The following SIGLEC12 variants were observed in gnomAD, a reference collection of about 807,000 sequenced individuals.
SIGLEC12 encodes the protein sialic acid binding Ig like lectin 12.
Under a neutral mutation model 54.1 loss-of-function variants are expected in SIGLEC12, and 43 were observed. That is an observed-to-expected ratio of 0.80 (90% CI 0.62 to 1.03). The LOEUF (loss-of-function observed/expected upper bound fraction) is 1.03, where lower values mean the gene tolerates loss of function less well. Among genes scored for constraint, SIGLEC12 ranks in the 50% least tolerant of loss-of-function variants. The pLI, the probability that SIGLEC12 is intolerant of heterozygous loss-of-function variation, is 0.00. For missense variants in SIGLEC12, 802 were observed against 735.2 expected (o/e 1.09, Z -1.05); for synonymous variants, 357 against 307.6 (o/e 1.16, Z -1.68).
chr19:51,493,221 C>T (rs191116125), intron 7 of SIGLEC12, among the ~76,000 whole-genome samples: 120 of 152,348 alleles, frequency 7.9e-4, no homozygotes, highest in African/African-American at 2.8e-3. Flanking sequence ...CAGCTGCTCA[C>T]CTTCCCTACA....
At chr19:51,493,640 GTCT>G (rs1990160662) in intron 7 of SIGLEC12, among the ~76,000 whole-genome samples, 1 of 152,152 alleles carries the variant, frequency 6.6e-6, no homozygotes, top group Non-Finnish European at 1.5e-5. Context: ...AAATCTGGAA[GTCT>G]TCTTGCTCCC....
intron 7 of SIGLEC12, among the ~76,000 whole-genome samples, chr19:51,494,470 G>A (rs924454882): frequency 1.3e-5 from 2 of 152,194 alleles, no homozygotes; most frequent in Non-Finnish European, 2.9e-5. Context: ...AACAAGCGTT[G>A]GTGAGGATGT....
chr19:51,495,495 AGATG>A (rs1488734574), intron 7 of SIGLEC12, among the ~76,000 whole-genome samples: 1 of 150,894 alleles, frequency 6.6e-6, no homozygotes, highest in Non-Finnish European at 1.5e-5. Flanking sequence ...ACAGACGGAC[AGATG>A]GATGGATGGA....
intron 2 of SIGLEC12, 23 bp from the exon 3 acceptor site, chr19:51,499,739 C>A (rs779374302): frequency 4.3e-6 from 7 of 1,611,354 alleles, no homozygotes; most frequent in African/African-American, 1.3e-5. Context: ...GGGAGACAGG[C>A]AAAATGAGGG....
intron 7 of SIGLEC12, among the ~76,000 whole-genome samples, chr19:51,494,299 G>A (rs921081693): frequency 2.6e-5 from 4 of 152,094 alleles, no homozygotes; most frequent in Non-Finnish European, 5.9e-5. Flanking sequence ...TCAAAAATAG[G>A]CTTAAACTCT....
intron 7 of SIGLEC12, among the ~76,000 whole-genome samples, chr19:51,496,035 G>T (rs1990232971): frequency 6.6e-6 from 1 of 152,194 alleles, no homozygotes; most frequent in African/African-American, 2.4e-5. Context: ...AGGCAGGAGT[G>T]GCTGGAGGCG....
At position 51,501,389 on chromosome 19, in the gene SIGLEC12, A is replaced by C. The variant is rs1261139900; in HGVS notation, c.345T>G (p.Asp115Glu). 5 of 1,614,086 alleles carry C rather than the reference A, an allele frequency of 3.1e-6. No individual in the cohort carries two copies. The highest frequency in any genetic ancestry group is 2.7e-5 in the African/African-American group (2 of 74,924). ...TLSIRDTRES[D>E]AGTYVFCVER... Reference sequence around the variant, plus strand: ...CTACACAAAAGACGTATGTCCCTGCATCACTCTCTCTGGTGTCTCTGATGC... The same window carrying C: ...CTACACAAAAGACGTATGTCCCTGCCTCACTCTCTCTGGTGTCTCTGATGC... The change falls in exon 1 of 8, where the codon GAT becomes GAG. Residue 115 changes from aspartate (D) to glutamate (E), a missense_variant. Physicochemically the swap from Asp to Glu is conservative, Grantham distance 45 (BLOSUM62 2). Transcript: ENST00000291707.
In SIGLEC12 at chr19:51,491,554, G is replaced by A. The variant is rs922858819; in HGVS notation, c.*87C>T. ...CTGATGTCCTGTTGCACAGCATGGAGGGCTGTTAATTCTAAAGGAATCAGT... is the reference window on the plus strand; with the variant it reads ...CTGATGTCCTGTTGCACAGCATGGAAGGCTGTTAATTCTAAAGGAATCAGT... On this transcript the variant is annotated 3_prime_UTR_variant, in exon 8 of 8. Coordinates refer to ENST00000291707, the MANE Select transcript of SIGLEC12 (RefSeq NM_053003.4). 7.4e-5 allele frequency: 94 copies of A among 1,274,002 alleles called. No homozygotes were observed. The highest frequency in any genetic ancestry group is 1.0e-4 in the Non-Finnish European group (89 of 882,786). The allele number at this position is 1,274,002 out of a possible 1,614,324, so 78.9% of individuals were successfully genotyped here. A position where few individuals can be genotyped will look rare whatever the true frequency, so the allele number is the denominator to read the frequency against.
At chr19:51,497,558 G>C (rs1721170164) in intron 5 of SIGLEC12, 113 bp from the exon 6 acceptor site, 5 of 708,518 alleles carry the variant, frequency 7.1e-6, no homozygotes, top group Non-Finnish European at 1.2e-5. Flanking sequence ...TTCCCGGACA[G>C]AAAGAACAAG....
chr19:51,501,541 G>T lies in SIGLEC12; in HGVS notation c.193C>A (p.Arg65=), dbSNP rs61742108. The T allele has an allele frequency of 0.63, 1,012,072 of 1,613,054 alleles. 320,554 individuals are homozygous for T. Among genetic ancestry groups the T allele is most frequent in the Admixed American group, 0.74 (44,122 of 59,962 alleles). ...ASDPVHGYWF[R]AGDHVSRNIP... ...TTCCGGCTTACATGGTCCCCTGCCC[G>T]GAACCAGTAGCCATGAACTGGATCG... is the stretch of plus-strand genomic sequence containing the variant. Residue 65 remains arginine (R), a synonymous_variant, in exon 1 of 8, where the codon CGG becomes AGG. Coordinates refer to ENST00000291707, the MANE Select transcript of SIGLEC12 (RefSeq NM_053003.4).
Position 51,498,054 on chromosome 19 carries a change from T to C in SIGLEC12, c.1369A>G (p.Ile457Val), listed in dbSNP as rs1451952548. Residue 457 changes from isoleucine (I) to valine (V), a missense_variant, in exon 5 of 8, where the codon ATT becomes GTT. Transcript: ENST00000291707. ...TTTTGCAGGGAGAGGCTCAGGGAAA[T>C]GTGCTGGGAGCCTAGAGGGTTCTGA... Reference protein sequence around the residue: ...RAQNPLGSQHISLSLSLQNEY... With the variant: ...RAQNPLGSQHVSLSLSLQNEY... 1 of 1,614,196 alleles carries C rather than the reference T, an allele frequency of 6.2e-7. No homozygotes were observed. The highest frequency in any genetic ancestry group is 1.7e-5 in the Admixed American group (1 of 60,024).
chr19:51,501,414 C>T lies in SIGLEC12; in HGVS notation c.320G>A (p.Ser107Asn), dbSNP rs1446756459. 2 of 1,614,222 alleles carry T rather than the reference C, an allele frequency of 1.2e-6. No homozygotes were observed. Among genetic ancestry groups the T allele is most frequent in the East Asian group, 4.5e-5 (2 of 44,888 alleles). Residue 107 changes from serine to asparagine, a missense_variant, in exon 1 of 8, where the codon AGC (serine) becomes AAC (asparagine). Physicochemically the swap from Ser to Asn is conservative, Grantham distance 46. Coordinates refer to ENST00000291707, the MANE Select transcript of SIGLEC12 (RefSeq NM_053003.4). ...GDPQNKDCTLSIRDTRESDAG... is the reference protein window; with the variant it reads ...GDPQNKDCTLNIRDTRESDAG... ...ATCACTCTCTCTGGTGTCTCTGATG[C>T]TCAGGGTACAATCCTTGTTCTGTGG...
chr19:51,501,798 A>G lies in SIGLEC12; in HGVS notation c.-65T>C, dbSNP rs1990406893. On this transcript the variant is annotated 5_prime_UTR_variant, in exon 1 of 8. Transcript: ENST00000291707. ...GTTCCTCAGGGTTCTTCTCTCAGGAACTGAGAACTCAAGATTTCGAGGAAG... is the reference window on the plus strand; with the variant it reads ...GTTCCTCAGGGTTCTTCTCTCAGGAGCTGAGAACTCAAGATTTCGAGGAAG... 6.8e-7 allele frequency: 1 copy of G among 1,470,290 alleles called. No homozygotes were observed. Among genetic ancestry groups the G allele is most frequent in the African/African-American group, 1.4e-5 (1 of 70,796 alleles). 91.1% of individuals were successfully genotyped at this position (1,470,290 alleles called of 1,614,324 possible). A position where few individuals can be genotyped will look rare whatever the true frequency, so the allele number is the denominator to read the frequency against.
chr19:51,495,340 G>T (rs1407520663), intron 7 of SIGLEC12, among the ~76,000 whole-genome samples: 1 of 99,886 alleles, frequency 1.0e-5, no homozygotes, highest in Non-Finnish European at 2.2e-5. Flanking sequence ...TGGATGGATG[G>T]ATGGATGGAT....
rs746055515 is a variant in SIGLEC12 at position 51,499,747 on chromosome 19, G to A, written c.809-31C>T. ...GATGAAAGGGAGACAGGCAAAATGA[G>A]GGTGTTGGGGTCTGAAGTGTGGTGC... is the stretch of plus-strand genomic sequence containing the variant. On this transcript the variant is annotated intron_variant, in intron 2 of 7. Coordinates refer to ENST00000291707, the MANE Select transcript of SIGLEC12 (RefSeq NM_053003.4). The A allele has an allele frequency of 1.4e-5, 22 of 1,609,666 alleles. No individual in the cohort carries two copies. In the South Asian group the frequency reaches 1.5e-4, roughly 11 times the overall value.
rs866932797 is a variant in SIGLEC12, at chr19:51,495,194, T to C, written c.1599+1686A>G. Among the ~76,000 whole-genome samples, 615 of 126,136 alleles carry C rather than the reference T, an allele frequency of 4.9e-3. 3 individuals carry two copies. The highest frequency in any genetic ancestry group is 0.016 in the African/African-American group (535 of 33,520). The allele number at this position is 126,136 out of a possible 152,430, so 82.8% of individuals were successfully genotyped here. On this transcript the variant is annotated intron_variant, in intron 7 of 7. Coordinates refer to ENST00000291707, the MANE Select transcript of SIGLEC12 (RefSeq NM_053003.4). ...GTGGATGGATGGATGGATGGATGGA[T>C]GGATGGACGGACGGGTGGGTGGGTG... is the stretch of plus-strand genomic sequence containing the variant.
chr19:51,500,107 G>T lies in SIGLEC12; in HGVS notation c.621C>A (p.Thr207=). 2 of 1,614,090 alleles carry T rather than the reference G, an allele frequency of 1.2e-6. No individual in the cohort carries two copies. The highest frequency in any genetic ancestry group is 2.2e-5 in the South Asian group (2 of 91,078). The change falls in exon 2 of 8, where the codon ACC becomes ACA. Residue 207 remains threonine, a synonymous_variant. Coordinates refer to ENST00000291707, the MANE Select transcript of SIGLEC12 (RefSeq NM_053003.4). The part of the protein sequence containing the change: ...IPWDIPVATN[T]PSGKVQEDTH... Reference sequence around the variant, plus strand: ...TATCCTCTTGCACTTTTCCACTTGGGGTGTTTGTGGCCACTGGAATATCCC... The same window carrying T: ...TATCCTCTTGCACTTTTCCACTTGGTGTGTTTGTGGCCACTGGAATATCCC...
Position 51,496,924 on chromosome 19 carries a change from T to C in SIGLEC12, c.1555A>G (p.Thr519Ala), listed in dbSNP as rs780256620. ...ACAGCGTTTGCGTCCTCCATGCCTG[T>C]ATCCCCCACGCCCACTGCTGGCCTT... is the stretch of plus-strand genomic sequence containing the variant. ...SARPAVGVGD[T>A]GMEDANAVRG... Residue 519 changes from threonine (T) to alanine (A), a missense_variant, in exon 7 of 8, where the codon ACA becomes GCA. By Grantham distance (58) the Thr-to-Ala change is moderately conservative. Transcript: ENST00000291707. 5.0e-6 allele frequency: 8 copies of C among 1,613,768 alleles called. No homozygotes were observed. The South Asian group carries it at 5.5e-5, about 11-fold the overall frequency.
Position 51,496,867 on chromosome 19 carries a change from A to C in SIGLEC12, c.1599+13T>G, listed in dbSNP as rs754251451. The C allele has an allele frequency of 3.7e-6, 6 of 1,607,162 alleles. No homozygotes were observed. The African/African-American group carries it at 6.7e-5, about 18-fold the overall frequency. On this transcript the variant is annotated intron_variant, in intron 7 of 7. Transcript: ENST00000291707. Reference sequence around the variant, plus strand: ...AAGCAGGGGAGAAGGGCTGTGATTCAATGCTCACTCACCTGAGAGGCTGAG... The same window carrying C: ...AAGCAGGGGAGAAGGGCTGTGATTCCATGCTCACTCACCTGAGAGGCTGAG...
Sources: allele counts gnomAD v4.1 joint callset (sites outside exome capture counted in the v4.1 genomes callset), GRCh38; gene constraint gnomAD v4.1.1; transcripts MANE v1.5; gene names NCBI Gene and HGNC (gene_info 2026-07-23, HGNC 2026-07-21).